The following NTRK2 variants were observed in gnomAD, a reference collection of about 807,000 sequenced individuals.
NTRK2 encodes BDNF/NT-3 growth factors receptor.
NTRK2 carries 13 observed loss-of-function variants against 94.5 expected under a neutral mutation model. That is an observed-to-expected ratio of 0.14 (90% CI 0.09 to 0.22). NTRK2 has a LOEUF of 0.22. Among genes scored for constraint, NTRK2 ranks in the 10% least tolerant of loss-of-function variants. NTRK2 has a pLI of 1.00. For missense variants in NTRK2, 639 were observed against 1,071.2 expected (o/e 0.60, Z 5.63); for synonymous variants, 372 against 407.4 (o/e 0.91, Z 1.05).
At chr9:85,018,342 G>C (rs959667776) in intron 17 of NTRK2, among the ~76,000 whole-genome samples, 1 of 152,220 alleles carries the variant, frequency 6.6e-6, no homozygotes, top group African/African-American at 2.4e-5. Flanking sequence ...CTTTATTCTA[G>C]GGGTTAACAA....
At chr9:84,872,013 CT>C in intron 14 of NTRK2, 1 of 1,491,124 alleles carries the variant, frequency 6.7e-7, no homozygotes. Flanking sequence ...GCTCTAATGA[CT>C]AACCCCTCAA....
At chr9:84,853,892 T>A (rs1245572874) in intron 12 of NTRK2, among the ~76,000 whole-genome samples, 1 of 151,992 alleles carries the variant, frequency 6.6e-6, no homozygotes, top group Non-Finnish European at 1.5e-5. Context: ...CCATCCTGGC[T>A]AACACGGTAA....
intron 12 of NTRK2, among the ~76,000 whole-genome samples, chr9:84,773,542 GAGTTTAGTAAGT>G (rs1564239608): frequency 6.6e-6 from 1 of 152,122 alleles, no homozygotes; most frequent in African/African-American, 2.4e-5. Context: ...AACGTTCTTG[GAGTTTAGTAAGT>G]AGTAGGTTCT....
chr9:84,683,937 T>C (rs1435960394), intron 2 of NTRK2, among the ~76,000 whole-genome samples: 1 of 152,172 alleles, frequency 6.6e-6, no homozygotes, highest in Non-Finnish European at 1.5e-5. Context: ...TCTAATGCAA[T>C]GATGAGTGAG....
At chr9:84,750,987 TA>T in intron 11 of NTRK2, among the ~76,000 whole-genome samples, 1 of 152,206 alleles carries the variant, frequency 6.6e-6, no homozygotes, top group African/African-American at 2.4e-5. Context: ...TTGACTTGTG[TA>T]ATCCACACCT....
chr9:84,671,070 A>C (rs1417683928), intron 2 of NTRK2, 110 bp downstream of exon 2: 9 of 1,041,822 alleles, frequency 8.6e-6, no homozygotes, highest in South Asian at 2.7e-5. Flanking sequence ...GAGAAGTCAA[A>C]GACAAGGGAT....
intron 12 of NTRK2, among the ~76,000 whole-genome samples, chr9:84,797,686 TAA>T (rs2069638435): frequency 2.4e-5 from 2 of 81,742 alleles, no homozygotes; most frequent in South Asian, 5.4e-4. Context: ...ATATATACTA[TAA>T]TATATATATT....
chr9:84,722,693 TAAAGC>T (rs1274065119), intron 6 of NTRK2, among the ~76,000 whole-genome samples: 7 of 152,198 alleles, frequency 4.6e-5, no homozygotes, highest in African/African-American at 1.7e-4. Context: ...TTATGCAGTT[TAAAGC>T]AGTGTCCACA....
At chr9:84,877,530 C>G (rs1256952227) in intron 14 of NTRK2, 3 of 1,066,418 alleles carry the variant, frequency 2.8e-6, no homozygotes, top group Non-Finnish European at 3.4e-6. Context: ...GGCCAAGGAC[C>G]CCCCTCCTAC....
chr9:85,017,959 G>A lies in NTRK2; in HGVS notation c.2173-2247G>A, dbSNP rs10126015. On this transcript the variant is annotated intron_variant, in intron 17 of 18. Coordinates refer to ENST00000277120, the MANE Select transcript of NTRK2 (RefSeq NM_006180.6). ...AGAAGGTTAAAATGAGAGAGGTAAG[G>A]TTAAAAATAAGATGTATAGCAGAAG... 7.4e-3 allele frequency among the ~76,000 whole-genome samples: 1,122 copies of A among 152,190 alleles called. 14 individuals carry two copies. The highest frequency in any genetic ancestry group is 0.025 in the African/African-American group (1,055 of 41,540).
At chr9:84,795,689 C>T (rs962412199) in intron 12 of NTRK2, among the ~76,000 whole-genome samples, 25 of 152,150 alleles carry the variant, frequency 1.6e-4, no homozygotes, top group African/African-American at 5.8e-4. Flanking sequence ...TCATCCTCAG[C>T]GTCTAACTCA....
chr9:84,710,796 T>C lies in NTRK2; in HGVS notation c.583+5T>C. On this transcript the variant is annotated splice_donor_5th_base_variant and intron_variant, in intron 6 of 18. Transcript: ENST00000277120. ...ACCTGCAGATACCCAATTGTGGTAATTTATTTTTAAATCAATGTGTTCTAG... is the reference window on the plus strand; with the variant it reads ...ACCTGCAGATACCCAATTGTGGTAACTTATTTTTAAATCAATGTGTTCTAG... The C allele has an allele frequency of 6.2e-7, 1 of 1,614,026 alleles. No individual in the cohort carries two copies. Among genetic ancestry groups the C allele is most frequent in the East Asian group, 2.2e-5 (1 of 44,866 alleles).
intron 17 of NTRK2, among the ~76,000 whole-genome samples, chr9:85,014,877 A>G (rs1322373929): frequency 6.6e-6 from 1 of 152,248 alleles, no homozygotes; most frequent in Admixed American, 6.5e-5. Context: ...GTGTCATAGA[A>G]ATAAATATTA....
chr9:84,889,000 T>TGTATTTTA (rs2076511567), intron 14 of NTRK2, among the ~76,000 whole-genome samples: 10 of 128,074 alleles, frequency 7.8e-5, no homozygotes, highest in Admixed American at 6.5e-4. Flanking sequence ...TTTTTTTTTT[T>TGTATTTTA]TTTTTTTTGA....
chr9:84,704,524 C>T (rs1472988240), intron 4 of NTRK2, among the ~76,000 whole-genome samples: 1 of 152,006 alleles, frequency 6.6e-6, no homozygotes, highest in Non-Finnish European at 1.5e-5. Flanking sequence ...CTACGCCTGG[C>T]CGGTGGTATT....
Position 85,024,479 on chromosome 9 carries a change from T to A in NTRK2, c.*3042T>A, listed in dbSNP as rs899588781. On this transcript the variant is annotated 3_prime_UTR_variant, in exon 19 of 19. Coordinates refer to ENST00000277120, the MANE Select transcript of NTRK2 (RefSeq NM_006180.6). ...CATGTGTGTTAGCAAATTATTCCTA[T>A]TTTGTGTAGATGAGGACGTTGAGAC... is the stretch of plus-strand genomic sequence containing the variant. 2.1e-5 allele frequency: 5 copies of A among 232,888 alleles called. No individual in the cohort carries two copies. The highest frequency in any genetic ancestry group is 4.2e-5 in the Non-Finnish European group (5 of 117,886). 14.4% of individuals were successfully genotyped at this position (232,888 alleles called of 1,614,324 possible).
At chr9:84,968,876 G>T (rs1269571374) in intron 17 of NTRK2, among the ~76,000 whole-genome samples, 1 of 151,378 alleles carries the variant, frequency 6.6e-6, no homozygotes, top group African/African-American at 2.5e-5. Flanking sequence ...TTGCAAGGAT[G>T]CTCTATTGAG....
At chr9:84,854,643 A>G (rs1489792176) in intron 12 of NTRK2, among the ~76,000 whole-genome samples, 2 of 151,996 alleles carry the variant, frequency 1.3e-5, no homozygotes, top group African/African-American at 4.8e-5. Context: ...AACAAGAAGT[A>G]GTTATAAAAA....
At chr9:84,711,750 ACACGC>A (rs2061430821) in intron 6 of NTRK2, among the ~76,000 whole-genome samples, 1 of 152,182 alleles carries the variant, frequency 6.6e-6, no homozygotes, top group Non-Finnish European at 1.5e-5. Context: ...GAGCTGCTGC[ACACGC>A]TTTGTAGGAA....
Sources: allele counts gnomAD v4.1 joint callset (sites outside exome capture counted in the v4.1 genomes callset), GRCh38; gene constraint gnomAD v4.1.1; transcripts MANE v1.5; gene names NCBI Gene and HGNC (gene_info 2026-07-23, HGNC 2026-07-21).